The following EPB42 variants were observed in gnomAD, a reference collection of about 807,000 sequenced individuals.
The protein encoded by EPB42 is protein 4.2.
EPB42 carries 49 observed loss-of-function variants against 76.9 expected under a neutral mutation model. The ratio of observed to expected loss-of-function variants is 0.64; its 90% CI spans 0.51 to 0.81. The LOEUF is 0.81. Among genes scored for constraint, EPB42 ranks in the 30% least tolerant of loss-of-function variants. The pLI is 0.00. For synonymous variants in EPB42, 310 were observed against 338.4 expected (o/e 0.92, Z 0.92); for missense variants, 731 against 867.6 (o/e 0.84, Z 1.98).
intron 1 of EPB42, among the ~76,000 whole-genome samples, chr15:43,217,306 C>G (rs949607596): frequency 4.6e-5 from 7 of 152,190 alleles, no homozygotes; most frequent in Non-Finnish European, 1.0e-4. Flanking sequence ...GTGCTTGCTT[C>G]CCCTTCACAT....
In EPB42 at chr15:43,207,191, G is replaced by A. The variant is rs748386021; in HGVS notation, c.1318+8C>T. On this transcript the variant is annotated splice_region_variant and intron_variant, in intron 9 of 12. Coordinates refer to ENST00000441366, the MANE Select transcript of EPB42 (RefSeq NM_001114134.2). ...CCGAGAAGCCTGGGGCCCTTCCCTG[G>A]CCCGTACCTTCAGGATACTTGTAGT... 4.3e-6 allele frequency: 7 copies of A among 1,613,740 alleles called. No homozygotes were observed. In the East Asian group the frequency reaches 1.3e-4, roughly 31 times the overall value.
At chr15:43,215,815 G>A (rs1016535908) in intron 2 of EPB42, among the ~76,000 whole-genome samples, 4 of 152,144 alleles carry the variant, frequency 2.6e-5, no homozygotes, top group African/African-American at 9.7e-5. Flanking sequence ...TACTGCCTCA[G>A]CCTCCCCAGT....
intron 10 of EPB42, among the ~76,000 whole-genome samples, chr15:43,203,882 T>G (rs1328886524): frequency 1.3e-5 from 2 of 152,184 alleles, no homozygotes; most frequent in Non-Finnish European, 2.9e-5. Flanking sequence ...ATGATGCATA[T>G]GATGCATATA....
At position 43,206,339 on chromosome 15, in the gene EPB42, C is replaced by T. The variant is rs45495503; in HGVS notation, c.1609G>A (p.Ala537Thr). The change falls in exon 10 of 13, where the codon GCC becomes ACC. Residue 537 changes from alanine (A) to threonine (T), a missense_variant. By Grantham distance (58) the Ala-to-Thr change is moderately conservative. Coordinates refer to ENST00000441366, the MANE Select transcript of EPB42 (RefSeq NM_001114134.2). This position sits in a 1 kb window ranked among gnomAD's most constrained non-coding sequence, Gnocchi z 4.7. ...WRKKLHLTLS[A>T]NLEKIITIGL... is the part of the protein sequence containing the mutation. ...GGCCATAGAGCATTACCCAGGTTGG[C>T]ACTGAGCGTGAGGTGCAGCTTCTTC... 2,020 of 1,610,698 alleles carry T rather than the reference C, an allele frequency of 1.3e-3. 6 individuals carry two copies. Among genetic ancestry groups the T allele is most frequent in the Non-Finnish European group, 1.5e-3 (1,741 of 1,177,316 alleles).
chr15:43,203,598 T>C lies in EPB42; in HGVS notation c.1619-323A>G, dbSNP rs55877555. 0.031 allele frequency among the ~76,000 whole-genome samples: 4,737 copies of C among 152,256 alleles called. 91 individuals carry two copies. The highest frequency in any genetic ancestry group is 0.045 in the Non-Finnish European group (3,075 of 68,000). On this transcript the variant is annotated intron_variant, in intron 10 of 12. Transcript: ENST00000441366. The stretch of plus-strand genomic sequence containing the variant: ...CTAGTGGGATGGTTTGTGTTGTTTG[T>C]AGGGTTTTTGTTTTGTTTTAGAGAC...
rs183602857 is a variant in EPB42 at position 43,207,707 on chromosome 15, T to C, written c.1076-266A>G. On this transcript the variant is annotated intron_variant, in intron 8 of 12. Coordinates refer to ENST00000441366, the MANE Select transcript of EPB42 (RefSeq NM_001114134.2). ...CAGGCAGAAGCTCAGAGGGTCATAT[T>C]TAGCGTGAGGAGCTCTCAAGCCAGC... Among the ~76,000 whole-genome samples, 5 of 152,340 alleles carry C rather than the reference T, an allele frequency of 3.3e-5. No individual in the cohort carries two copies. The Middle Eastern group carries it at 0.01, about 311-fold the overall frequency.
Position 43,208,687 on chromosome 15 carries a change from G to A in EPB42, c.921C>T (p.Tyr307=), listed in dbSNP as rs750288870. The A allele has an allele frequency of 6.2e-7, 1 of 1,614,156 alleles. No individual in the cohort carries two copies. Among genetic ancestry groups the A allele is most frequent in the Non-Finnish European group, 8.5e-7 (1 of 1,180,028 alleles). The stretch of plus-strand genomic sequence containing the variant: ...CGTTCTGAAGTCCCTCCTCATTATA[G>A]TATTCATCTATGAGAAGACGCCCAC... The part of the protein sequence containing the change: ...GTGGRLLIDE[Y]YNEEGLQNGE... The change falls in exon 7 of 13, where the codon TAC becomes TAT. Residue 307 remains tyrosine (Y), a synonymous_variant. Coordinates refer to ENST00000441366, the MANE Select transcript of EPB42 (RefSeq NM_001114134.2).
intron 12 of EPB42, among the ~76,000 whole-genome samples, chr15:43,198,811 T>A (rs1028256341): frequency 3.3e-5 from 5 of 152,118 alleles, no homozygotes; most frequent in African/African-American, 9.7e-5. Context: ...TCCTGTGTTG[T>A]ATGCAGCCTA....
Position 43,208,216 on chromosome 15 carries a change from C to A in EPB42, c.1075+14G>T. The stretch of plus-strand genomic sequence containing the variant: ...GCAGCCCTGCGTGGTCCTGGACCCA[C>A]CCCTAGGCTTTACCTCCACCTCCAT... On this transcript the variant is annotated intron_variant, in intron 8 of 12. Transcript: ENST00000441366. The A allele has an allele frequency of 1.2e-6, 2 of 1,612,396 alleles. No individual in the cohort carries two copies. Among genetic ancestry groups the A allele is most frequent in the Non-Finnish European group, 1.7e-6 (2 of 1,178,944 alleles).
At chr15:43,210,737 G>A (rs1400862632) in intron 4 of EPB42, among the ~76,000 whole-genome samples, 3 of 152,136 alleles carry the variant, frequency 2.0e-5, no homozygotes, top group Non-Finnish European at 4.4e-5. Flanking sequence ...TCGTTTCATT[G>A]CACTGCATTC....
intron 3 of EPB42, 48 bp downstream of exon 3, chr15:43,215,047 G>C (rs770753810): frequency 1.3e-6 from 2 of 1,536,726 alleles, no homozygotes; most frequent in East Asian, 2.3e-5. Context: ...CCCAGCTCCA[G>C]TGTCTGGAGT....
At chr15:43,223,899 G>T (rs1310913128), upstream of EPB42, among the ~76,000 whole-genome samples, 1 of 152,198 alleles carries the variant, frequency 6.6e-6, no homozygotes. Flanking sequence ...GCTTGACCTG[G>T]TGGGTGGAGG....
chr15:43,199,122 C>T (rs2042091472), intron 12 of EPB42, among the ~76,000 whole-genome samples: 1 of 152,344 alleles, frequency 6.6e-6, no homozygotes, highest in Non-Finnish European at 1.5e-5. Flanking sequence ...CACACAGAGT[C>T]CCTGCTGGGG....
chr15:43,205,889 A>C (rs1043667990), intron 10 of EPB42: 2 of 159,922 alleles, frequency 1.3e-5, no homozygotes, highest in African/African-American at 4.8e-5. Context: ...CAATTAAGAA[A>C]GAACCTCAGG....
At chr15:43,201,469 G>A (rs1208776048) in intron 12 of EPB42, among the ~76,000 whole-genome samples, 2 of 152,216 alleles carry the variant, frequency 1.3e-5, no homozygotes, top group African/African-American at 4.8e-5. Context: ...GTATATTGTG[G>A]TGGTGACTAC....
intron 7 of EPB42, 125 bp from the exon 8 acceptor site, chr15:43,208,458 T>A: frequency 7.2e-7 from 1 of 1,389,680 alleles, no homozygotes; most frequent in African/African-American, 1.4e-5. Flanking sequence ...TCAAAGTGGC[T>A]GTGGCACTCC....
chr15:43,218,104 G>A (rs1459183661), intron 1 of EPB42, among the ~76,000 whole-genome samples: 1 of 152,074 alleles, frequency 6.6e-6, no homozygotes, highest in Non-Finnish European at 1.5e-5. Flanking sequence ...CCATGGGGAG[G>A]CTGGGATTTG....
intron 6 of EPB42, 62 bp from the exon 7 acceptor site, chr15:43,208,837 A>G: frequency 6.4e-7 from 1 of 1,572,928 alleles, no homozygotes; most frequent in Non-Finnish European, 8.6e-7. Flanking sequence ...GGCGTGTGGG[A>G]GGCTAGGATT....
At chr15:43,217,653 G>A (rs1401183862) in intron 1 of EPB42, among the ~76,000 whole-genome samples, 1 of 152,204 alleles carries the variant, frequency 6.6e-6, no homozygotes, top group Admixed American at 6.5e-5. Flanking sequence ...AAGGCAGCCT[G>A]CAGTTTTTGC....
Sources: gnomAD v4.1 joint callset for allele counts (sites outside exome capture counted in the v4.1 genomes callset) on GRCh38, gnomAD v4.1.1 for gene constraint, Gnocchi (gnomAD v3.1) non-coding constraint, MANE v1.5 for transcripts, NCBI Gene and HGNC (gene_info 2026-07-23, HGNC 2026-07-21) for gene names.